CCDC178: variants seen among roughly 807,000 people sequenced by gnomAD.
CCDC178 encodes coiled-coil domain containing 178.
Under a neutral mutation model 117.4 loss-of-function variants are expected in CCDC178, and 126 were observed. The observed-to-expected ratio is 1.07, with a 90% CI of 0.93 to 1.24. The LOEUF is 1.24. Ranked by LOEUF, CCDC178 falls within the 50% of genes most tolerant of loss-of-function variation. The probability of loss-of-function intolerance (pLI) is 0.00; values close to 1 mark genes in which losing one functional copy is unlikely to be tolerated. For synonymous variants in CCDC178, 283 were observed against 313.4 expected (o/e 0.90, Z 1.02); for missense variants, 1,030 against 986.9 (o/e 1.04, Z -0.59).
intron 11 of CCDC178, among the ~76,000 whole-genome samples, chr18:33,322,326 A>C (rs1375462512): frequency 6.6e-6 from 1 of 151,928 alleles, no homozygotes; most frequent in East Asian, 1.9e-4. Flanking sequence ...CTGAAATTTG[A>C]ATGAACACCT....
intron 22 of CCDC178, chr18:32,954,530 A>G (rs2054553881): frequency 6.6e-6 from 1 of 152,182 alleles, no homozygotes; most frequent in Admixed American, 6.5e-5. Context: ...TGGGGAAATA[A>G]ATTCAAGCTG....
At chr18:33,182,118 T>G (rs989322140) in intron 20 of CCDC178, among the ~76,000 whole-genome samples, 2 of 151,938 alleles carry the variant, frequency 1.3e-5, no homozygotes, top group African/African-American at 4.8e-5. Flanking sequence ...TGTTTATAAC[T>G]CTCAGTTTTA....
At chr18:33,429,436 T>C (rs1361882730) in intron 2 of CCDC178, among the ~76,000 whole-genome samples, 1 of 151,846 alleles carries the variant, frequency 6.6e-6, no homozygotes, top group Non-Finnish European at 1.5e-5. Context: ...AGTAACAAGA[T>C]GAAACAAGTT....
At chr18:33,082,987 C>A (rs961879339) in intron 21 of CCDC178, among the ~76,000 whole-genome samples, 1 of 152,024 alleles carries the variant, frequency 6.6e-6, no homozygotes, top group Non-Finnish European at 1.5e-5. Flanking sequence ...TTCTTATTCT[C>A]TCTTCATACA....
chr18:33,179,224 AT>A (rs2058706253), intron 20 of CCDC178, among the ~76,000 whole-genome samples: 1 of 147,676 alleles, frequency 6.8e-6, no homozygotes, highest in Non-Finnish European at 1.5e-5. Context: ...AAGTGAAAAA[AT>A]GTGTATAAAA....
At chr18:32,998,726 G>A (rs1186365541) in intron 21 of CCDC178, among the ~76,000 whole-genome samples, 1 of 152,088 alleles carries the variant, frequency 6.6e-6, no homozygotes, top group Non-Finnish European at 1.5e-5. Flanking sequence ...ACACAGCCTG[G>A]GCCAGAAAGG....
At chr18:33,139,911 A>G (rs868061388) in intron 20 of CCDC178, among the ~76,000 whole-genome samples, 2 of 152,056 alleles carry the variant, frequency 1.3e-5, no homozygotes, top group South Asian at 4.1e-4. Flanking sequence ...CTAGGAAGAA[A>G]AAATGGTTTC....
At chr18:33,133,552 C>G (rs960267943) in intron 20 of CCDC178, among the ~76,000 whole-genome samples, 2 of 151,820 alleles carry the variant, frequency 1.3e-5, no homozygotes, top group African/African-American at 4.8e-5. Context: ...ATTTCCACAA[C>G]AAGCATGTGA....
chr18:33,410,836 G>A (rs931125833), intron 3 of CCDC178, among the ~76,000 whole-genome samples: 7 of 152,140 alleles, frequency 4.6e-5, no homozygotes, highest in Non-Finnish European at 8.8e-5. Flanking sequence ...CCAGTTCTGC[G>A]CATTGGCCTG....
Position 33,195,477 on chromosome 18 carries a change from C to T in CCDC178, c.2238+16419G>A, listed in dbSNP as rs139341421. On this transcript the variant is annotated intron_variant, in intron 20 of 22. Transcript: ENST00000383096. ...TAGGCCTCATTTCAAAAACAACCTA[C>T]GAACCTTAAGCTCAACACACACATA... 3.5e-4 allele frequency among the ~76,000 whole-genome samples: 53 copies of T among 152,218 alleles called. No individual in the cohort carries two copies. The East Asian group carries it at 7.2e-3, about 21-fold the overall frequency.
At chr18:33,357,322 T>C (rs1228942786) in intron 6 of CCDC178, among the ~76,000 whole-genome samples, 2 of 152,132 alleles carry the variant, frequency 1.3e-5, no homozygotes, top group Non-Finnish European at 2.9e-5. Context: ...ACCTATCTCA[T>C]AAACTTATTG....
intron 5 of CCDC178, among the ~76,000 whole-genome samples, chr18:33,375,143 C>G (rs1370069619): frequency 1.3e-5 from 2 of 152,074 alleles, no homozygotes; most frequent in African/African-American, 4.8e-5. Flanking sequence ...TAAAAAAGAC[C>G]ACTAAGCATA....
intron 12 of CCDC178, among the ~76,000 whole-genome samples, chr18:33,271,810 T>C (rs1363518189): frequency 6.6e-6 from 1 of 151,510 alleles, no homozygotes; most frequent in Non-Finnish European, 1.5e-5. Flanking sequence ...TGTTCCTTGA[T>C]AACCAACAAG....
rs757970925 is a variant in CCDC178 at position 33,107,017 on chromosome 18, G to C, written c.2239-14107C>G. Among the ~76,000 whole-genome samples the C allele has an allele frequency of 2.0e-5, 3 of 151,634 alleles. No individual in the cohort carries two copies. The South Asian group carries it at 6.2e-4, about 32-fold the overall frequency. On this transcript the variant is annotated intron_variant, in intron 20 of 22. Transcript: ENST00000383096. The stretch of plus-strand genomic sequence containing the variant: ...TGTGAACAATCTGAGCAATTCAAAT[G>C]AGCAAGGAAACAGATGCTTCCCTGA...
intron 14 of CCDC178, among the ~76,000 whole-genome samples, chr18:33,248,910 A>C (rs1427226041): frequency 2.0e-5 from 3 of 152,000 alleles, no homozygotes; most frequent in African/African-American, 2.4e-5. Flanking sequence ...CTATTTCTCC[A>C]CATCCTCCCC....
rs145483245 is a variant in CCDC178, at chr18:33,317,763, A to G, written c.1022+5728T>C. On this transcript the variant is annotated intron_variant, in intron 11 of 22. Coordinates refer to ENST00000383096, the MANE Select transcript of CCDC178 (RefSeq NM_001105528.4). ...ATTTGTTATCCAGTGCAATGCCTAC[A>G]TGACATAGCTGAATTTCTACCCTGC... 7.5e-3 allele frequency among the ~76,000 whole-genome samples: 1,138 copies of G among 152,256 alleles called. 10 individuals are homozygous for G. Among genetic ancestry groups the G allele is most frequent in the African/African-American group, 0.026 (1,085 of 41,538 alleles).
In CCDC178 at chr18:33,073,662, G is replaced by A. The variant is rs950388928; in HGVS notation, c.2388+19099C>T. Among the ~76,000 whole-genome samples the A allele has an allele frequency of 2.6e-5, 4 of 152,114 alleles. No individual in the cohort carries two copies. The South Asian group carries it at 8.3e-4, about 32-fold the overall frequency. On this transcript the variant is annotated intron_variant, in intron 21 of 22. Transcript: ENST00000383096. ...ATTTTGTTAGATACCCACTGGGAAC[G>A]ATCATCTAGTAATTGCAAAAATATT...
At chr18:33,017,920 A>G (rs2144818176) in intron 21 of CCDC178, among the ~76,000 whole-genome samples, 1 of 152,142 alleles carries the variant, frequency 6.6e-6, no homozygotes, top group African/African-American at 2.4e-5. Flanking sequence ...CAGAAGAAAA[A>G]AAAAGATAGA....
At chr18:33,030,517 G>C (rs1044823374) in intron 21 of CCDC178, among the ~76,000 whole-genome samples, 1 of 102,576 alleles carries the variant, frequency 9.7e-6, no homozygotes. Flanking sequence ...AGACAGAACT[G>C]ATAGAAGATA....
Sources: gnomAD v4.1 joint callset for allele counts (sites outside exome capture counted in the v4.1 genomes callset) on GRCh38, gnomAD v4.1.1 for gene constraint, MANE v1.5 for transcripts, NCBI Gene and HGNC (gene_info 2026-07-23, HGNC 2026-07-21) for gene names.